PCDHGB3: variants seen among roughly 807,000 people sequenced by gnomAD.
PCDHGB3 encodes protocadherin gamma subfamily B, 3, also known as protocadherin gamma-B3.
PCDHGB3 carries 40 observed loss-of-function variants against 59.2 expected under a neutral mutation model. The ratio of observed to expected loss-of-function variants is 0.68; its 90% CI spans 0.52 to 0.88. The LOEUF is 0.88. PCDHGB3 is among the 40% of genes least tolerant of loss of function. The pLI, the probability that PCDHGB3 is intolerant of heterozygous loss-of-function variation, is 0.00. For missense variants in PCDHGB3, 1,309 were observed against 1,187.9 expected (o/e 1.10, Z -1.50); for synonymous variants, 581 against 503.6 (o/e 1.15, Z -2.06).
chr5:141,421,833 C>T (rs1364245594), intron 1 of PCDHGB3: 6 of 1,613,756 alleles, frequency 3.7e-6, no homozygotes, highest in Non-Finnish European at 4.2e-6. Flanking sequence ...GAAGCCTGGA[C>T]CGAGAGAAAG....
rs1220492258 is a variant in PCDHGB3, at chr5:141,372,272, G to A, written c.1878G>A (p.Val626=). ...GCCTGGGCCTGCGCACGGGTGAGGT[G>A]CGCACGGCGCGTACCTTGGGCGACA... ...LFSLGLRTGE[V]RTARTLGDRE... The change falls in exon 1 of 4, where the codon GTG becomes GTA. Residue 626 remains valine, a synonymous_variant. Transcript: ENST00000576222. 6.2e-7 allele frequency: 1 copy of A among 1,613,124 alleles called. No homozygotes were observed. Among genetic ancestry groups the A allele is most frequent in the South Asian group, 1.1e-5 (1 of 91,062 alleles).
At chr5:141,427,440 G>A (rs747459662) in intron 1 of PCDHGB3, 1 of 477,484 alleles carries the variant, frequency 2.1e-6, no homozygotes, top group South Asian at 1.5e-5. Flanking sequence ...CCTCATAAAC[G>A]AAAGAGTTCC....
intron 1 of PCDHGB3, chr5:141,427,083 C>T: frequency 2.2e-6 from 1 of 458,128 alleles, no homozygotes; most frequent in South Asian, 1.5e-5. Flanking sequence ...AGCCACTGAC[C>T]AGGATGAGGG....
intron 1 of PCDHGB3, chr5:141,407,971 G>T (rs1399304138): frequency 2.8e-6 from 2 of 717,762 alleles, no homozygotes; most frequent in Non-Finnish European, 4.3e-6. Context: ...AAGCGCTGAC[G>T]CCGGGGATCC....
chr5:141,384,020 G>A (rs1158407540), intron 1 of PCDHGB3: 2 of 1,613,612 alleles, frequency 1.2e-6, no homozygotes, highest in Admixed American at 3.3e-5. Flanking sequence ...CTACAAGACA[G>A]AGATTCTGGA....
intron 1 of PCDHGB3, among the ~76,000 whole-genome samples, chr5:141,480,098 T>C (rs1415853757): frequency 6.6e-6 from 1 of 152,168 alleles, no homozygotes. Context: ...GTATGCAAAG[T>C]GTTTAGCATG....
intron 1 of PCDHGB3, among the ~76,000 whole-genome samples, chr5:141,401,463 C>G (rs2094158062): frequency 6.6e-6 from 1 of 152,214 alleles, no homozygotes; most frequent in Admixed American, 6.5e-5. Flanking sequence ...AAATAATTTT[C>G]TAAGTTTATC....
chr5:141,383,364 C>G lies in PCDHGB3; in HGVS notation c.2415+10555C>G, dbSNP rs1345393790. Reference sequence around the variant, plus strand: ...CTCCTGGGGTTCGGTTTCCGTTAAGCGAGGCTGGGGATCCAGATGTGGGCA... The same window carrying G: ...CTCCTGGGGTTCGGTTTCCGTTAAGGGAGGCTGGGGATCCAGATGTGGGCA... On this transcript the variant is annotated intron_variant, in intron 1 of 3. Transcript: ENST00000576222. The G allele has an allele frequency of 2.5e-6, 4 of 1,613,946 alleles. No homozygotes were observed. The South Asian group carries it at 4.4e-5, about 18-fold the overall frequency.
intron 1 of PCDHGB3, among the ~76,000 whole-genome samples, chr5:141,472,224 A>G (rs570743680): frequency 1.4e-4 from 21 of 152,330 alleles, no homozygotes; most frequent in African/African-American, 4.1e-4. Context: ...TCTCGATCAT[A>G]TAATACATTC....
At chr5:141,413,271 C>T in intron 1 of PCDHGB3, 1 of 1,613,940 alleles carries the variant, frequency 6.2e-7, no homozygotes, top group Non-Finnish European at 8.5e-7. Flanking sequence ...AGGCTGGAGC[C>T]CGGCAGATCT....
At chr5:141,393,307 A>C (rs1394490963) in intron 1 of PCDHGB3, 3 of 1,613,594 alleles carry the variant, frequency 1.9e-6, no homozygotes, top group South Asian at 2.2e-5. Context: ...GTGGGCGTGA[A>C]CTCCCTCCAG....
intron 1 of PCDHGB3, among the ~76,000 whole-genome samples, chr5:141,397,773 T>C (rs2093568087): frequency 1.3e-5 from 2 of 152,218 alleles, no homozygotes; most frequent in African/African-American, 2.4e-5. Context: ...ATTAAGTATA[T>C]GGACGTAAAA....
chr5:141,496,943 T>C (rs1023861484), intron 2 of PCDHGB3, among the ~76,000 whole-genome samples: 2 of 151,258 alleles, frequency 1.3e-5, no homozygotes, highest in African/African-American at 2.4e-5. Flanking sequence ...CCCAGCACTT[T>C]GGGAGGCCAA....
In PCDHGB3 at chr5:141,432,075, C is replaced by G. The variant is rs2097446801; in HGVS notation, c.2415+59266C>G. 2 of 1,614,086 alleles carry G rather than the reference C, an allele frequency of 1.2e-6. No individual in the cohort carries two copies. Among genetic ancestry groups the G allele is most frequent in the Non-Finnish European group, 1.7e-6 (2 of 1,180,054 alleles). ...CCCCTATCCACGGAAACTCATATCT[C>G]GCTGAACGTGGCAGACACCAACGAC... On this transcript the variant is annotated intron_variant, in intron 1 of 3. Transcript: ENST00000576222. This position sits in a 1 kb window ranked among gnomAD's most constrained non-coding sequence, Gnocchi z 6.0.
In PCDHGB3 at chr5:141,405,166, A is replaced by G. The variant is rs1303146593; in HGVS notation, c.2415+32357A>G. The G allele has an allele frequency of 9.3e-6, 15 of 1,613,862 alleles. No individual in the cohort carries two copies. In the East Asian group the frequency reaches 3.3e-4, roughly 36 times the overall value. On this transcript the variant is annotated intron_variant, in intron 1 of 3. Coordinates refer to ENST00000576222, the MANE Select transcript of PCDHGB3 (RefSeq NM_018924.5). Reference sequence around the variant, plus strand: ...ATGGGTTGGCTGGTGTGCCCACCTCACACTTTGTGGGTGTAGATGGGGTTC... The same window carrying G: ...ATGGGTTGGCTGGTGTGCCCACCTCGCACTTTGTGGGTGTAGATGGGGTTC...
At chr5:141,429,388 A>T (rs6890453) in intron 1 of PCDHGB3, among the ~76,000 whole-genome samples, 24,714 of 140,916 alleles carry the variant, frequency 0.18, 2,276 homozygotes, top group African/African-American at 0.28. Flanking sequence ...TTTTTTTTTT[A>T]AAAAAAATTG....
At chr5:141,372,895 T>C in intron 1 of PCDHGB3, 86 bp downstream of exon 1, 1 of 1,115,450 alleles carries the variant, frequency 9.0e-7, no homozygotes, top group South Asian at 1.7e-5. Flanking sequence ...AGATTAAATA[T>C]TCCCTGATTA....
chr5:141,495,449 GCT>G (rs560850951), intron 2 of PCDHGB3, among the ~76,000 whole-genome samples: 3 of 152,194 alleles, frequency 2.0e-5, no homozygotes, highest in Non-Finnish European at 2.9e-5. Flanking sequence ...TACTTGTCCT[GCT>G]CTCTGTCTGT....
chr5:141,444,900 T>C (rs997464788), intron 1 of PCDHGB3, among the ~76,000 whole-genome samples: 1 of 152,182 alleles, frequency 6.6e-6, no homozygotes, highest in Non-Finnish European at 1.5e-5. Context: ...TGGGATGGCA[T>C]TGCATCTATA....
Sources: gnomAD v4.1 joint callset for allele counts (sites outside exome capture counted in the v4.1 genomes callset) on GRCh38, gnomAD v4.1.1 for gene constraint, Gnocchi (gnomAD v3.1) non-coding constraint, MANE v1.5 for transcripts, NCBI Gene and HGNC (gene_info 2026-07-23, HGNC 2026-07-21) for gene names.